Variants in DIAPH3 observed in about 807,000 individuals in gnomAD.
The protein encoded by DIAPH3 is protein diaphanous homolog 3.
A neutral mutation model predicts 144.3 loss-of-function variants in DIAPH3; 117 were observed. The observed-to-expected ratio is 0.81, with a 90% CI of 0.70 to 0.95. DIAPH3 has a LOEUF of 0.95. Among genes scored for constraint, DIAPH3 ranks in the 40% least tolerant of loss-of-function variants. DIAPH3 has a pLI of 0.00. For missense variants in DIAPH3, 1,421 were observed against 1,412.7 expected (o/e 1.01, Z -0.09); for synonymous variants, 519 against 488.9 (o/e 1.06, Z -0.81).
At chr13:60,086,612 AAT>A (rs1185799921) in intron 4 of DIAPH3, among the ~76,000 whole-genome samples, 5 of 144,092 alleles carry the variant, frequency 3.5e-5, no homozygotes, top group African/African-American at 5.1e-5. Flanking sequence ...AAAAAAAAAA[AAT>A]TCACGTTAAT....
At chr13:59,815,501 T>C (rs927521287) in intron 24 of DIAPH3, among the ~76,000 whole-genome samples, 1 of 152,178 alleles carries the variant, frequency 6.6e-6, no homozygotes, top group Admixed American at 6.5e-5. Flanking sequence ...AAACTCATTT[T>C]CTCCATTCAG....
chr13:59,868,080 T>G (rs2044038956), intron 21 of DIAPH3, among the ~76,000 whole-genome samples: 3 of 152,038 alleles, frequency 2.0e-5, no homozygotes, highest in African/African-American at 7.2e-5. Context: ...TGCCAGTCTA[T>G]GAAAGCCACT....
chr13:59,684,261 A>G (rs763700603), intron 27 of DIAPH3, among the ~76,000 whole-genome samples: 3 of 152,168 alleles, frequency 2.0e-5, no homozygotes, highest in Non-Finnish European at 4.4e-5. Flanking sequence ...TCTGCCACGG[A>G]GCAACCTTTA....
chr13:59,718,462 A>T (rs2035172327), intron 27 of DIAPH3, among the ~76,000 whole-genome samples: 1 of 152,184 alleles, frequency 6.6e-6, no homozygotes, highest in African/African-American at 2.4e-5. Context: ...AAACACCAGA[A>T]TGTTACCGGT....
chr13:60,116,531 A>T (rs1329221543), intron 2 of DIAPH3, among the ~76,000 whole-genome samples: 1 of 152,194 alleles, frequency 6.6e-6, no homozygotes, highest in East Asian at 1.9e-4. Context: ...TCATTTCTGT[A>T]CGGATAATAT....
chr13:60,138,016 G>A lies in DIAPH3; in HGVS notation c.181-5027C>T, dbSNP rs575858203. Reference sequence around the variant, plus strand: ...TGGGATTAAAGGAGTGAGCCACCACGCCTGGCCAAAAATTTACGTCATTTA... The same window carrying A: ...TGGGATTAAAGGAGTGAGCCACCACACCTGGCCAAAAATTTACGTCATTTA... On this transcript the variant is annotated intron_variant, in intron 1 of 27. Transcript: ENST00000400324. Among the ~76,000 whole-genome samples the A allele has an allele frequency of 2.0e-4, 31 of 152,168 alleles. No individual in the cohort carries two copies. In the South Asian group the frequency reaches 5.6e-3, roughly 27 times the overall value.
intron 27 of DIAPH3, among the ~76,000 whole-genome samples, chr13:59,750,179 C>G (rs1164529677): frequency 6.6e-6 from 1 of 152,070 alleles, no homozygotes; most frequent in Non-Finnish European, 1.5e-5. Flanking sequence ...AACATTTCAG[C>G]CAGGATGCAC....
At chr13:59,941,361 T>C (rs2140383547) in intron 17 of DIAPH3, among the ~76,000 whole-genome samples, 1 of 152,112 alleles carries the variant, frequency 6.6e-6, no homozygotes, top group East Asian at 1.9e-4. Context: ...AAGGACAAGA[T>C]CAGAATTCAT....
At chr13:60,045,032 C>A (rs1174205079) in intron 4 of DIAPH3, among the ~76,000 whole-genome samples, 1 of 152,178 alleles carries the variant, frequency 6.6e-6, no homozygotes, top group Admixed American at 6.5e-5. Flanking sequence ...GTACATTAAA[C>A]CTTTTTATTT....
chr13:60,137,238 A>G (rs2059308057), intron 1 of DIAPH3, among the ~76,000 whole-genome samples: 1 of 152,214 alleles, frequency 6.6e-6, no homozygotes, highest in South Asian at 2.1e-4. Flanking sequence ...TCAAAAGAAC[A>G]TAGGAGTCGG....
At chr13:59,913,376 G>T (rs1320293329) in intron 19 of DIAPH3, among the ~76,000 whole-genome samples, 1 of 152,034 alleles carries the variant, frequency 6.6e-6, no homozygotes, top group Non-Finnish European at 1.5e-5. Context: ...GCACAGACAG[G>T]CACGCATGCC....
At chr13:59,690,354 T>C (rs1475760232) in intron 27 of DIAPH3, among the ~76,000 whole-genome samples, 1 of 152,170 alleles carries the variant, frequency 6.6e-6, no homozygotes, top group Non-Finnish European at 1.5e-5. Flanking sequence ...AGTTAAACAA[T>C]TTATAAAGCA....
chr13:59,735,813 A>C (rs1216108861), intron 27 of DIAPH3, among the ~76,000 whole-genome samples: 2 of 152,128 alleles, frequency 1.3e-5, no homozygotes, highest in Admixed American at 6.6e-5. Context: ...TCAGGGGTAC[A>C]TGTGCAGGAT....
Position 60,004,695 on chromosome 13 carries a change from A to C in DIAPH3, c.1014+3849T>G, listed in dbSNP as rs2052748694. On this transcript the variant is annotated intron_variant, in intron 9 of 27. Transcript: ENST00000400324. The stretch of plus-strand genomic sequence containing the variant: ...AGAAATAAATTTGAATGATGCTAAA[A>C]TAATCTTTCACTTCTTAAAAATTAA... Among the ~76,000 whole-genome samples the C allele has an allele frequency of 1.3e-5, 2 of 152,220 alleles. 1 individual carries two copies. The highest frequency in any genetic ancestry group is 4.1e-4 in the South Asian group (2 of 4,830).
chr13:60,024,195 C>T (rs2141045712), intron 5 of DIAPH3, among the ~76,000 whole-genome samples: 1 of 152,182 alleles, frequency 6.6e-6, no homozygotes, highest in South Asian at 2.1e-4. Flanking sequence ...TTATCCTGTC[C>T]TCTTTCTCCT....
chr13:60,139,034 C>T (rs927805156), intron 1 of DIAPH3, among the ~76,000 whole-genome samples: 2 of 152,122 alleles, frequency 1.3e-5, no homozygotes, highest in African/African-American at 2.4e-5. Flanking sequence ...TTTATCTTAA[C>T]GTCAACACCA....
intron 20 of DIAPH3, among the ~76,000 whole-genome samples, chr13:59,900,832 C>T (rs1431787489): frequency 6.6e-6 from 1 of 152,188 alleles, no homozygotes; most frequent in African/African-American, 2.4e-5. Context: ...CCTTAGTTAT[C>T]TTCCCTTCCA....
chr13:59,907,638 A>G (rs2046805225), intron 20 of DIAPH3, among the ~76,000 whole-genome samples: 1 of 152,192 alleles, frequency 6.6e-6, no homozygotes, highest in African/African-American at 2.4e-5. Context: ...CCACTCATGG[A>G]TAATCAGCTC....
intron 3 of DIAPH3, among the ~76,000 whole-genome samples, chr13:60,103,221 C>A (rs1294106732): frequency 6.6e-6 from 1 of 151,828 alleles, no homozygotes; most frequent in African/African-American, 2.4e-5. Flanking sequence ...AGCACTAAGG[C>A]ACAATCAAGC....
Sources: allele counts gnomAD v4.1 joint callset (sites outside exome capture counted in the v4.1 genomes callset), GRCh38; gene constraint gnomAD v4.1.1; transcripts MANE v1.5; gene names NCBI Gene and HGNC (gene_info 2026-07-23, HGNC 2026-07-21).